The following PHLPP1 variants were observed in gnomAD, a reference collection of about 807,000 sequenced individuals.
The protein encoded by PHLPP1 is PH domain and leucine rich repeat protein phosphatase 1.
Under a neutral mutation model 117.2 loss-of-function variants are expected in PHLPP1, and 42 were observed. The ratio of observed to expected loss-of-function variants is 0.36; its 90% CI spans 0.28 to 0.46. PHLPP1 has a LOEUF of 0.46. Ranked by LOEUF, PHLPP1 falls within the 20% of genes least tolerant of loss-of-function variation. The pLI, the probability that PHLPP1 is intolerant of heterozygous loss-of-function variation, is 1.00. For missense variants in PHLPP1, 2,084 were observed against 2,241.9 expected, an observed-to-expected ratio of 0.93 and a Z score of 1.42; for synonymous variants, 1,042 against 970.7, an observed-to-expected ratio of 1.07 and a Z score of -1.37.
chr18:62,864,911 A>C (rs1915733425), intron 4 of PHLPP1, among the ~76,000 whole-genome samples: 1 of 152,228 alleles, frequency 6.6e-6, no homozygotes, highest in Non-Finnish European at 1.5e-5. Flanking sequence ...GGTATACCAC[A>C]GTTCTTTAAA....
At chr18:62,829,060 G>A (rs1914685874) in intron 1 of PHLPP1, among the ~76,000 whole-genome samples, 1 of 152,174 alleles carries the variant, frequency 6.6e-6, no homozygotes, top group Admixed American at 6.5e-5. Flanking sequence ...GGGAAGTGAA[G>A]ACTCTTCAGA....
chr18:62,717,996 T>A (rs1910813748), intron 1 of PHLPP1, among the ~76,000 whole-genome samples: 1 of 152,220 alleles, frequency 6.6e-6, no homozygotes, highest in South Asian at 2.1e-4. Context: ...CAAGAAGGAT[T>A]TAAGTGGTTG....
intron 6 of PHLPP1, among the ~76,000 whole-genome samples, 163 bp downstream of exon 6, chr18:62,896,174 A>G (rs1361538288): frequency 2.6e-5 from 4 of 151,958 alleles, no homozygotes; most frequent in Admixed American, 6.5e-5. Context: ...AGGGTTTGCT[A>G]TTACTGGAAA....
intron 4 of PHLPP1, among the ~76,000 whole-genome samples, chr18:62,881,090 A>C (rs988218865): frequency 6.6e-6 from 1 of 152,184 alleles, no homozygotes; most frequent in African/African-American, 2.4e-5. Context: ...AAGAGGAATT[A>C]AGATGAGTTT....
intron 1 of PHLPP1, among the ~76,000 whole-genome samples, chr18:62,802,427 C>T (rs1272068614): frequency 6.6e-6 from 1 of 152,062 alleles, no homozygotes; most frequent in Non-Finnish European, 1.5e-5. Context: ...AACACACCCT[C>T]CCAAGCAGAA....
Position 62,978,552 on chromosome 18 carries a change from T to C in PHLPP1, c.4275T>C (p.Thr1425=), listed in dbSNP as rs376794082. 7 of 1,612,458 alleles carry C rather than the reference T, an allele frequency of 4.3e-6. No individual in the cohort carries two copies. Among genetic ancestry groups the C allele is most frequent in the South Asian group, 2.2e-5 (2 of 90,782 alleles). The change falls in exon 17 of 17, where the codon ACT becomes ACC. Residue 1425 remains threonine, a synonymous_variant. Transcript: ENST00000262719. The surrounding 1 kb of genome is among the most constrained non-coding windows in gnomAD (Gnocchi z 7.0). ...ISAVVVQLSV[T]EDSFCCCELS... ...CTGTGGTGGTGCAGCTCAGTGTCAC[T>C]GAGGACAGCTTCTGCTGCTGCGAGC...
intron 1 of PHLPP1, among the ~76,000 whole-genome samples, chr18:62,742,347 A>C (rs1265017315): frequency 6.6e-6 from 1 of 151,842 alleles, no homozygotes; most frequent in African/African-American, 2.4e-5. Flanking sequence ...ATATTGATTG[A>C]CTCTATGTTA....
At position 62,973,398 on chromosome 18, in the gene PHLPP1, G is replaced by A. The variant is rs72947616; in HGVS notation, c.3755+690G>A. 7.9e-3 allele frequency among the ~76,000 whole-genome samples: 1,210 copies of A among 152,266 alleles called. 7 individuals are homozygous for A. The highest frequency in any genetic ancestry group is 0.012 in the Non-Finnish European group (840 of 68,020). ...TCTTACCACCTTCATGGCTTTCTAG[G>A]TAATAATGGAATTGCCTGTCTATAA... On this transcript the variant is annotated intron_variant, in intron 15 of 16. Coordinates refer to ENST00000262719, the MANE Select transcript of PHLPP1 (RefSeq NM_194449.4).
chr18:62,871,025 ATAGTG>A (rs1259158911), intron 4 of PHLPP1, among the ~76,000 whole-genome samples: 14 of 152,154 alleles, frequency 9.2e-5, no homozygotes. Context: ...TCTTTTATTA[ATAGTG>A]CTTCATTTAT....
intron 4 of PHLPP1, among the ~76,000 whole-genome samples, chr18:62,867,325 T>C (rs1485206496): frequency 1.3e-5 from 2 of 152,228 alleles, no homozygotes; most frequent in Non-Finnish European, 2.9e-5. Context: ...AGGATTTCAT[T>C]CATTTACATT....
chr18:62,821,086 G>C (rs1914440042), intron 1 of PHLPP1, among the ~76,000 whole-genome samples: 1 of 152,248 alleles, frequency 6.6e-6, no homozygotes, highest in East Asian at 1.9e-4. Context: ...CAATATACCA[G>C]AATTTATGGG....
intron 12 of PHLPP1, among the ~76,000 whole-genome samples, chr18:62,957,363 G>C (rs1164272476): frequency 6.6e-6 from 1 of 151,794 alleles, no homozygotes; most frequent in Non-Finnish European, 1.5e-5. Context: ...TGACCCTTTT[G>C]TGATTTTTCT....
intron 1 of PHLPP1, among the ~76,000 whole-genome samples, chr18:62,808,399 G>A (rs1217376902): frequency 6.6e-6 from 1 of 152,080 alleles, no homozygotes; most frequent in Non-Finnish European, 1.5e-5. Context: ...GAAGTTGACA[G>A]TATGATGTAA....
chr18:62,975,319 T>C (rs1305775091), intron 15 of PHLPP1, 78 bp from the exon 16 acceptor site: 1 of 914,006 alleles, frequency 1.1e-6, no homozygotes, highest in Non-Finnish European at 1.8e-6. Context: ...TGTCCAGTGG[T>C]GCGGTCTTGC....
At chr18:62,875,128 G>A (rs1286943726) in intron 4 of PHLPP1, among the ~76,000 whole-genome samples, 1 of 151,986 alleles carries the variant, frequency 6.6e-6, no homozygotes, top group East Asian at 1.9e-4. Flanking sequence ...CTAATTTTTT[G>A]TATTTTTAGT....
chr18:62,722,142 A>G (rs1172213535), intron 1 of PHLPP1, among the ~76,000 whole-genome samples: 2 of 152,206 alleles, frequency 1.3e-5, no homozygotes, highest in African/African-American at 2.4e-5. Flanking sequence ...TACTATTAAT[A>G]TCTTCTATTT....
At chr18:62,727,341 G>A (rs1244990784) in intron 1 of PHLPP1, among the ~76,000 whole-genome samples, 1 of 152,034 alleles carries the variant, frequency 6.6e-6, no homozygotes, top group Non-Finnish European at 1.5e-5. Flanking sequence ...CAGGTATGTG[G>A]CACATGCCTG....
chr18:62,717,973 G>T (rs1409085423), intron 1 of PHLPP1, among the ~76,000 whole-genome samples: 1 of 152,280 alleles, frequency 6.6e-6, no homozygotes, highest in East Asian at 1.9e-4. Context: ...AATACGCCTT[G>T]CAGGAAGGTT....
chr18:62,921,095 C>T (rs1909454177), intron 10 of PHLPP1, among the ~76,000 whole-genome samples: 1 of 152,152 alleles, frequency 6.6e-6, no homozygotes, highest in Non-Finnish European at 1.5e-5. Flanking sequence ...CTTTAAGTAA[C>T]AGTGGCTGTT....
Sources: allele counts gnomAD v4.1 joint callset (sites outside exome capture counted in the v4.1 genomes callset), GRCh38; gene constraint gnomAD v4.1.1; non-coding constraint Gnocchi (gnomAD v3.1); transcripts MANE v1.5; gene names NCBI Gene and HGNC (gene_info 2026-07-23, HGNC 2026-07-21).